The following OR10A3 variants were observed in gnomAD, a reference collection of about 807,000 sequenced individuals.
OR10A3 encodes olfactory receptor 10A3.
A neutral mutation model predicts 1.5 loss-of-function variants in OR10A3; 1 was observed. The observed-to-expected ratio is 0.66, with a 90% CI of 0.23 to 3.11. The LOEUF is 3.11. Ranked by LOEUF, OR10A3 falls within the 30% of genes most tolerant of loss-of-function variation. The probability of loss-of-function intolerance (pLI) is 0.21; values close to 1 mark genes in which losing one functional copy is unlikely to be tolerated. For synonymous variants in OR10A3, 145 were observed against 143.7 expected (o/e 1.01, Z -0.06); for missense variants, 398 against 369.7 (o/e 1.08, Z -0.63).
Position 7,939,505 on chromosome 11 carries a change from G to C in OR10A3, c.16C>G (p.Gln6Glu). MKRQN[Q>E]SCVVEFILLG... ...AGGATGAATTCAACCACACAGCTTT[G>C]ATTTTGTCTTTTCATTTCAGTAGTT... is the stretch of plus-strand genomic sequence containing the variant. The change falls in exon 2 of 2, where the codon CAA becomes GAA. Residue 6 changes from glutamine to glutamate, a missense_variant. Transcript: ENST00000642047. The C allele has an allele frequency of 1.9e-6, 3 of 1,564,630 alleles. No individual in the cohort carries two copies. The highest frequency in any genetic ancestry group is 2.6e-6 in the Non-Finnish European group (3 of 1,163,240).
In OR10A3 at chr11:7,938,788, G is replaced by A. The variant is rs1485218504; in HGVS notation, c.733C>T (p.Leu245Phe). 6.2e-7 allele frequency: 1 copy of A among 1,614,086 alleles called. No homozygotes were observed. Among genetic ancestry groups the A allele is most frequent in the Non-Finnish European group, 8.5e-7 (1 of 1,180,050 alleles). ...QKAFSTCASH[L>F]TSVTLFYGTA... ...CCATAGAACAGGGTCACAGATGTGA[G>A]GTGAGAGGCACAGGTGGAAAAGGCC... Residue 245 changes from leucine (L) to phenylalanine (F), a missense_variant, in exon 2 of 2, where the codon CTC becomes TTC. Physicochemically the swap from Leu to Phe is conservative, Grantham distance 22. Transcript: ENST00000642047.
At chr11:7,941,235 G>A (rs7928081) in intron 1 of OR10A3, among the ~76,000 whole-genome samples, 1 of 152,092 alleles carries the variant, frequency 6.6e-6, no homozygotes, top group East Asian at 1.9e-4. Flanking sequence ...AGCTGATAAA[G>A]CAAAGTTACA....
chr11:7,941,474 C>T (rs1169425222), intron 1 of OR10A3, 113 bp downstream of exon 1: 1 of 152,166 alleles, frequency 6.6e-6, no homozygotes, highest in Admixed American at 6.5e-5. Flanking sequence ...CACCCCGCTC[C>T]CTCAACTACA....
At chr11:7,940,696 A>C (rs1449281142) in intron 1 of OR10A3, among the ~76,000 whole-genome samples, 2 of 152,134 alleles carry the variant, frequency 1.3e-5, no homozygotes, top group Non-Finnish European at 2.9e-5. Context: ...AAATGAGGGA[A>C]ACATTACTTC....
At chr11:7,940,140 G>GC (rs1941423464) in intron 1 of OR10A3, among the ~76,000 whole-genome samples, 1 of 152,174 alleles carries the variant, frequency 6.6e-6, no homozygotes, top group African/African-American at 2.4e-5. Context: ...ACTGCAGGCT[G>GC]CAAGGCCTCA....
At chr11:7,939,853 C>T (rs2133621827) in intron 1 of OR10A3, among the ~76,000 whole-genome samples, 155 bp from the exon 2 acceptor site, 1 of 152,318 alleles carries the variant, frequency 6.6e-6, no homozygotes, top group South Asian at 2.1e-4. Flanking sequence ...AAAGCCTCTG[C>T]TTTCTTTCCA....
At position 7,939,051 on chromosome 11, in the gene OR10A3, G is replaced by A. The variant is rs1941400292; in HGVS notation, c.470C>T (p.Thr157Ile). ...ACTAAATACCCAAGTGGTCTGCACAGTAGCCACCATGATCCCTGAGATCCA... is the reference window on the plus strand; with the variant it reads ...ACTAAATACCCAAGTGGTCTGCACAATAGCCACCATGATCCCTGAGATCCA... ...FSWISGIMVA[T>I]VQTTWVFSFP... The change falls in exon 2 of 2, where the codon ACT becomes ATT. Residue 157 changes from threonine (T) to isoleucine (I), a missense_variant. By Grantham distance (89) the Thr-to-Ile change is moderately conservative (BLOSUM62 -1). Transcript: ENST00000642047. The A allele has an allele frequency of 2.5e-6, 4 of 1,614,110 alleles. No homozygotes were observed. Among genetic ancestry groups the A allele is most frequent in the Non-Finnish European group, 3.4e-6 (4 of 1,180,014 alleles).
At position 7,938,774 on chromosome 11, in the gene OR10A3, G is replaced by A. The variant is rs2133620241; in HGVS notation, c.747C>T (p.Thr249=). 1.9e-6 allele frequency: 3 copies of A among 1,614,178 alleles called. No homozygotes were observed. The South Asian group carries it at 3.3e-5, about 18-fold the overall frequency. ...STCASHLTSV[T]LFYGTANMTY... ...TCATATTGGCTGTGCCATAGAACAGGGTCACAGATGTGAGGTGAGAGGCAC... is the reference window on the plus strand; with the variant it reads ...TCATATTGGCTGTGCCATAGAACAGAGTCACAGATGTGAGGTGAGAGGCAC... Residue 249 remains threonine, a synonymous_variant, in exon 2 of 2, where the codon ACC becomes ACT. Transcript: ENST00000642047.
At position 7,939,039 on chromosome 11, in the gene OR10A3, G is replaced by C. The variant is rs545727867; in HGVS notation, c.482C>G (p.Thr161Ser). ...ACAAAATGGAAAACTAAATACCCAA[G>C]TGGTCTGCACAGTAGCCACCATGAT... is the stretch of plus-strand genomic sequence containing the variant. ...SGIMVATVQTTWVFSFPFCGP... is the reference protein window; with the variant it reads ...SGIMVATVQTSWVFSFPFCGP... The change falls in exon 2 of 2, where the codon ACT becomes AGT. Residue 161 changes from threonine (T) to serine (S), a missense_variant. Transcript: ENST00000642047. The C allele has an allele frequency of 1.9e-6, 3 of 1,613,980 alleles. No homozygotes were observed. The highest frequency in any genetic ancestry group is 1.7e-6 in the Non-Finnish European group (2 of 1,179,888).
At chr11:7,940,160 A>G (rs1240426780) in intron 1 of OR10A3, among the ~76,000 whole-genome samples, 1 of 152,222 alleles carries the variant, frequency 6.6e-6, no homozygotes, top group African/African-American at 2.4e-5. Context: ...AACTCCAATC[A>G]GATGGGAGCT....
chr11:7,939,537 T>C lies in OR10A3; in HGVS notation c.-17A>G, dbSNP rs1476155341. 6 of 1,528,770 alleles carry C rather than the reference T, an allele frequency of 3.9e-6. No homozygotes were observed. Among genetic ancestry groups the C allele is most frequent in the Admixed American group, 4.4e-5 (2 of 45,430 alleles). 94.7% of individuals were successfully genotyped at this position (1,528,770 alleles called of 1,614,324 possible). On this transcript the variant is annotated 5_prime_UTR_variant, in exon 2 of 2. The change creates a new upstream start codon in the 5' untranslated region. Transcript: ENST00000642047. ...TCTTTTCATTTCAGTAGTTGAAACT[T>C]ATATTGTTTTTATGGACCTGGTATA... is the stretch of plus-strand genomic sequence containing the variant.
chr11:7,940,368 T>C (rs1015753990), intron 1 of OR10A3, among the ~76,000 whole-genome samples: 1 of 152,124 alleles, frequency 6.6e-6, no homozygotes, highest in Admixed American at 6.5e-5. Flanking sequence ...TGTCTCCCAG[T>C]ATTCCCTTCA....
rs1941379137 is a variant in OR10A3 at position 7,937,983 on chromosome 11, A to G, written c.*593T>C. ...TCAGTACATATGAGCATATGGAACA[A>G]GGCATTTATTGAAGCACTGTCTTAA... is the stretch of plus-strand genomic sequence containing the variant. On this transcript the variant is annotated 3_prime_UTR_variant, in exon 2 of 2. Transcript: ENST00000642047. 6.5e-6 allele frequency: 1 copy of G among 153,942 alleles called. No individual in the cohort carries two copies. Among genetic ancestry groups the G allele is most frequent in the Non-Finnish European group, 1.4e-5 (1 of 69,216 alleles). 9.5% of individuals were successfully genotyped at this position (153,942 alleles called of 1,614,324 possible).
At position 7,938,609 on chromosome 11, in the gene OR10A3, T is replaced by A; in HGVS notation, c.912A>T (p.Leu304=). The A allele has an allele frequency of 6.2e-7, 1 of 1,613,054 alleles. No individual in the cohort carries two copies. The highest frequency in any genetic ancestry group is 1.1e-5 in the South Asian group (1 of 90,682). Residue 304 remains leucine, a synonymous_variant, in exon 2 of 2, where the codon CTA becomes CTT. Coordinates refer to ENST00000642047, the MANE Select transcript of OR10A3 (RefSeq NM_001003745.2). ...TGTGTAAAATCACTTTTCTTCGCCATAGTTTTATCAAAGTCCTCTTCATCT... is the reference window on the plus strand; with the variant it reads ...TGTGTAAAATCACTTTTCTTCGCCAAAGTTTTATCAAAGTCCTCTTCATCT... ...NSEMKRTLIK[L]WRRKVILHTF is the part of the protein sequence containing the mutation.
chr11:7,938,543 A>G lies in OR10A3; in HGVS notation c.*33T>C. 6.7e-7 allele frequency: 1 copy of G among 1,501,376 alleles called. No homozygotes were observed. The highest frequency in any genetic ancestry group is 1.3e-5 in the South Asian group (1 of 79,544). The allele number at this position is 1,501,376 out of a possible 1,614,324, so 93.0% of individuals were successfully genotyped here. ...AAATTTAAATAGAGTTCACTCAGGC[A>G]GTGGCCAAATCTTACTCAGCTTCTC... is the stretch of plus-strand genomic sequence containing the variant. On this transcript the variant is annotated 3_prime_UTR_variant, in exon 2 of 2. Transcript: ENST00000642047.
Position 7,937,643 on chromosome 11 carries a change from G to A in OR10A3, c.*933C>T, listed in dbSNP as rs1941374859. On this transcript the variant is annotated 3_prime_UTR_variant, in exon 2 of 2. Transcript: ENST00000642047. The stretch of plus-strand genomic sequence containing the variant: ...ATAAATATTTGGAAAGATACCAAGA[G>A]AAATCCAGTTTGGGATTATAATTTG... 1 of 152,144 alleles carries A rather than the reference G, an allele frequency of 6.6e-6. No individual in the cohort carries two copies. Among genetic ancestry groups the A allele is most frequent in the Non-Finnish European group, 1.5e-5 (1 of 68,028 alleles). The allele number at this position is 152,144 out of a possible 1,614,324, so 9.4% of individuals were successfully genotyped here. A position where few individuals can be genotyped will look rare whatever the true frequency, so the allele number is the denominator to read the frequency against.
chr11:7,939,389 G>C lies in OR10A3; in HGVS notation c.132C>G (p.Ile44Met). ...IYVVTLMGNA[I>M]ITVIISLNQS... The stretch of plus-strand genomic sequence containing the variant: ...GGTTTAAGGAGATGATGACTGTAAT[G>C]ATGGCATTTCCCATCAGGGTCACCA... Residue 44 changes from isoleucine (I) to methionine (M), a missense_variant, in exon 2 of 2, where the codon ATC becomes ATG. Transcript: ENST00000642047. 1 of 1,614,162 alleles carries C rather than the reference G, an allele frequency of 6.2e-7. No homozygotes were observed. The highest frequency in any genetic ancestry group is 8.5e-7 in the Non-Finnish European group (1 of 1,180,000).
At position 7,941,668 on chromosome 11, in the gene OR10A3, C is replaced by T. The variant is rs943455642; in HGVS notation, c.-260G>A. ...AGAAGGCAAACCCACCAACAAGTACCAAAGCAGAATCTTCAGATCCTTATC... is the reference window on the plus strand; with the variant it reads ...AGAAGGCAAACCCACCAACAAGTACTAAAGCAGAATCTTCAGATCCTTATC... On this transcript the variant is annotated 5_prime_UTR_variant, in exon 1 of 2. Transcript: ENST00000642047. 11 of 152,136 alleles carry T rather than the reference C, an allele frequency of 7.2e-5. No individual in the cohort carries two copies. Among genetic ancestry groups the T allele is most frequent in the African/African-American group, 2.7e-4 (11 of 41,430 alleles). The allele number at this position is 152,136 out of a possible 1,614,324, so 9.4% of individuals were successfully genotyped here.
rs763780635 is a variant in OR10A3 at position 7,939,359 on chromosome 11, G to A, written c.162C>T (p.Ser54=). ...GGAACAGGTACATGGGAACGTGGAG[G>A]CTCTGGTTTAAGGAGATGATGACTG... is the stretch of plus-strand genomic sequence containing the variant. ...IITVIISLNQ[S]LHVPMYLFLL... is the part of the protein sequence containing the mutation. Residue 54 remains serine (S), a synonymous_variant, in exon 2 of 2, where the codon AGC becomes AGT. Transcript: ENST00000642047. The A allele has an allele frequency of 4.3e-6, 7 of 1,613,988 alleles. No individual in the cohort carries two copies. In the African/African-American group the frequency reaches 8.0e-5, roughly 18 times the overall value.
Sources: allele counts gnomAD v4.1 joint callset (sites outside exome capture counted in the v4.1 genomes callset), GRCh38; gene constraint gnomAD v4.1.1; transcripts MANE v1.5; gene names NCBI Gene and HGNC (gene_info 2026-07-23, HGNC 2026-07-21).